Variants in COX7B2 observed in about 807,000 individuals in gnomAD.
COX7B2 encodes cytochrome c oxidase subunit 7B2.
For synonymous variants in COX7B2, 37 were observed against 32.1 expected, an observed-to-expected ratio of 1.15 and a Z score of -0.51; for missense variants, 109 against 95.9, an observed-to-expected ratio of 1.14 and a Z score of -0.57.
chr4:46,836,499 C>T (rs1029538309), intron 2 of COX7B2, among the ~76,000 whole-genome samples: 1 of 151,792 alleles, frequency 6.6e-6, no homozygotes, highest in Non-Finnish European at 1.5e-5. Flanking sequence ...GAAGCAGTAA[C>T]ACACATAGAG....
At chr4:46,859,442 A>G in intron 1 of COX7B2, among the ~76,000 whole-genome samples, 1 of 152,182 alleles carries the variant, frequency 6.6e-6, no homozygotes, top group Non-Finnish European at 1.5e-5. Context: ...GAGCTTTCAC[A>G]TCTCTGAGCT....
At chr4:46,747,753 A>G (rs940030292) in intron 2 of COX7B2, among the ~76,000 whole-genome samples, 2 of 152,196 alleles carry the variant, frequency 1.3e-5, no homozygotes, top group East Asian at 3.8e-4. Flanking sequence ...AGCATATATA[A>G]TATTGATATT....
chr4:46,755,478 A>G (rs1715731448), intron 2 of COX7B2, among the ~76,000 whole-genome samples: 1 of 152,102 alleles, frequency 6.6e-6, no homozygotes, highest in African/African-American at 2.4e-5. Flanking sequence ...TAATCGGGCA[A>G]GAGAAAAAAA....
chr4:46,850,570 T>C (rs1716610100), intron 1 of COX7B2, among the ~76,000 whole-genome samples: 1 of 152,130 alleles, frequency 6.6e-6, no homozygotes, highest in African/African-American at 2.4e-5. Flanking sequence ...AGTGTAAGAC[T>C]TCACTTCATT....
At chr4:46,811,796 G>A (rs1229327974) in intron 2 of COX7B2, among the ~76,000 whole-genome samples, 2 of 152,128 alleles carry the variant, frequency 1.3e-5, no homozygotes, top group Non-Finnish European at 2.9e-5. Context: ...CATAGGGGGA[G>A]ACTTTCACAT....
At chr4:46,877,591 G>A (rs1718425527) in intron 1 of COX7B2, among the ~76,000 whole-genome samples, 1 of 152,034 alleles carries the variant, frequency 6.6e-6, no homozygotes, top group African/African-American at 2.4e-5. Context: ...TTTTTCCAAA[G>A]AAGACACAAA....
At chr4:46,907,761 A>G (rs1056802753) in intron 1 of COX7B2, among the ~76,000 whole-genome samples, 8 of 151,646 alleles carry the variant, frequency 5.3e-5, no homozygotes, top group African/African-American at 1.9e-4. Context: ...GCCAAGTCAG[A>G]TAACTCCAAG....
At chr4:46,786,895 A>G (rs1280509080) in intron 2 of COX7B2, among the ~76,000 whole-genome samples, 2 of 152,202 alleles carry the variant, frequency 1.3e-5, no homozygotes, top group Non-Finnish European at 2.9e-5. Context: ...AGAAGTTTGA[A>G]TCTGGGCAAA....
intron 2 of COX7B2, among the ~76,000 whole-genome samples, chr4:46,841,490 T>C (rs1715924864): frequency 6.6e-6 from 1 of 151,868 alleles, no homozygotes; most frequent in African/African-American, 2.4e-5. Flanking sequence ...CTGATTTTCA[T>C]AAGGTTAATT....
chr4:46,735,721 C>T (rs114834181), intron 2 of COX7B2, among the ~76,000 whole-genome samples: 211 of 152,236 alleles, frequency 1.4e-3, no homozygotes, highest in African/African-American at 4.8e-3. Flanking sequence ...TTTGAAATTC[C>T]GCTCTAAGAG....
At chr4:46,831,277 C>G (rs28396265) in intron 2 of COX7B2, among the ~76,000 whole-genome samples, 42,075 of 152,044 alleles carry the variant, frequency 0.28, 6,232 homozygotes, top group Admixed American at 0.37. Context: ...CCTCCCCACA[C>G]AGCAGCGCTC....
intron 2 of COX7B2, among the ~76,000 whole-genome samples, chr4:46,790,986 A>G (rs1212519062): frequency 6.6e-6 from 1 of 152,044 alleles, no homozygotes; most frequent in African/African-American, 2.4e-5. Context: ...ATTATGTAAC[A>G]GTAACCCAGA....
At chr4:46,821,587 A>G (rs2109695267) in intron 2 of COX7B2, among the ~76,000 whole-genome samples, 1 of 152,328 alleles carries the variant, frequency 6.6e-6, no homozygotes, top group South Asian at 2.1e-4. Flanking sequence ...AAGTTCCCTA[A>G]TCTTCAGTAA....
At position 46,794,517 on chromosome 4, in the gene COX7B2, C is replaced by T. The variant is rs556347343; in HGVS notation, c.-50+50443G>A. Among the ~76,000 whole-genome samples the T allele has an allele frequency of 3.9e-5, 6 of 152,234 alleles. No homozygotes were observed. The South Asian group carries it at 8.3e-4, about 21-fold the overall frequency. ...GAGGGCCCAAGAGACATGACTTTCA[C>T]CAATACTATGAGAAATAAATTTTTG... is the stretch of plus-strand genomic sequence containing the variant. On this transcript the variant is annotated intron_variant, in intron 2 of 2. Transcript: ENST00000355591.
At chr4:46,788,311 G>A (rs1337456916) in intron 2 of COX7B2, among the ~76,000 whole-genome samples, 2 of 151,996 alleles carry the variant, frequency 1.3e-5, no homozygotes, top group African/African-American at 2.4e-5. Context: ...AAAAAACAAT[G>A]TTATTTCTCT....
chr4:46,774,561 C>G (rs536157084), intron 2 of COX7B2, among the ~76,000 whole-genome samples: 1 of 152,070 alleles, frequency 6.6e-6, no homozygotes, highest in Admixed American at 6.6e-5. Context: ...GTTGTGTATT[C>G]CCCCTATTTT....
In COX7B2 at chr4:46,769,919, C is replaced by G. The variant is rs537709256; in HGVS notation, c.-49-34678G>C. On this transcript the variant is annotated intron_variant, in intron 2 of 2. Coordinates refer to ENST00000355591, the MANE Select transcript of COX7B2 (RefSeq NM_130902.3). The stretch of plus-strand genomic sequence containing the variant: ...GTGATGCAGTGATGAGAAGCTGAAG[C>G]CTTTCCTTTAAGATGAGGAACAAGA... Among the ~76,000 whole-genome samples, 7 of 152,188 alleles carry G rather than the reference C, an allele frequency of 4.6e-5. No individual in the cohort carries two copies. The East Asian group carries it at 1.4e-3, about 29-fold the overall frequency.
At chr4:46,857,851 AAG>A (rs1438195426) in intron 1 of COX7B2, among the ~76,000 whole-genome samples, 1 of 152,178 alleles carries the variant, frequency 6.6e-6, no homozygotes, top group Non-Finnish European at 1.5e-5. Context: ...TAAAAGGAAT[AAG>A]AGCTTTTTTG....
At chr4:46,768,599 C>T (rs1182807644) in intron 2 of COX7B2, among the ~76,000 whole-genome samples, 1 of 152,084 alleles carries the variant, frequency 6.6e-6, no homozygotes, top group Non-Finnish European at 1.5e-5. Context: ...TGTTTCTCTG[C>T]TTCCTGTCTG....
Sources: gnomAD v4.1 joint callset for allele counts (sites outside exome capture counted in the v4.1 genomes callset) on GRCh38, gnomAD v4.1.1 for gene constraint, MANE v1.5 for transcripts, NCBI Gene and HGNC (gene_info 2026-07-23, HGNC 2026-07-21) for gene names.